MIPOL1: variants seen among roughly 807,000 people sequenced by gnomAD.
MIPOL1 encodes the protein mirror-image polydactyly gene 1 protein.
In MIPOL1, 57 loss-of-function variants were observed where a neutral mutation model predicts 60.9. The ratio of observed to expected loss-of-function variants is 0.94; its 90% CI spans 0.76 to 1.17. MIPOL1 has a LOEUF of 1.17. Among genes scored for constraint, MIPOL1 ranks in the 50% most tolerant of loss-of-function variants. The pLI is 0.00. For synonymous variants in MIPOL1, 179 were observed against 168.8 expected, an observed-to-expected ratio of 1.06 and a Z score of -0.47; for missense variants, 551 against 511.6, an observed-to-expected ratio of 1.08 and a Z score of -0.74.
intron 7 of MIPOL1, among the ~76,000 whole-genome samples, chr14:37,298,713 G>A (rs1294199371): frequency 4.6e-5 from 7 of 152,030 alleles, no homozygotes; most frequent in Non-Finnish European, 1.5e-5. Flanking sequence ...ATCATCACTG[G>A]CCATCAGATA....
intron 6 of MIPOL1, among the ~76,000 whole-genome samples, chr14:37,273,055 A>G (rs1333032189): frequency 6.6e-6 from 1 of 151,252 alleles, no homozygotes; most frequent in Non-Finnish European, 1.5e-5. Flanking sequence ...TAGCAAGAAA[A>G]TTAAAAACAG....
intron 9 of MIPOL1, among the ~76,000 whole-genome samples, chr14:37,361,257 A>G (rs2092217558): frequency 6.6e-6 from 1 of 152,212 alleles, no homozygotes; most frequent in Non-Finnish European, 1.5e-5. Context: ...CAATTTTAGA[A>G]TAAGTGCAAT....
chr14:37,532,340 A>G (rs2095484688), intron 12 of MIPOL1, among the ~76,000 whole-genome samples: 1 of 152,166 alleles, frequency 6.6e-6, no homozygotes, highest in African/African-American at 2.4e-5. Flanking sequence ...TTCCTATGTT[A>G]CTAACTTACT....
At chr14:37,317,805 A>G (rs2088086530) in intron 9 of MIPOL1, among the ~76,000 whole-genome samples, 1 of 152,182 alleles carries the variant, frequency 6.6e-6, no homozygotes, top group Admixed American at 6.5e-5. Context: ...TGTAATTTTT[A>G]TGTGGTTGTA....
chr14:37,376,749 G>A (rs2092787305), intron 10 of MIPOL1, among the ~76,000 whole-genome samples: 4 of 152,108 alleles, frequency 2.6e-5, no homozygotes, highest in Admixed American at 1.3e-4. Flanking sequence ...ACACCCATGT[G>A]CATTTTGTTT....
chr14:37,216,380 A>G (rs1967709666), intron 1 of MIPOL1, among the ~76,000 whole-genome samples: 2 of 152,088 alleles, frequency 1.3e-5, no homozygotes, highest in South Asian at 4.1e-4. Flanking sequence ...TATTTTCCAG[A>G]CAGAAAATCA....
At chr14:37,498,465 T>C (rs1405603896) in intron 11 of MIPOL1, among the ~76,000 whole-genome samples, 1 of 152,072 alleles carries the variant, frequency 6.6e-6, no homozygotes, top group African/African-American at 2.4e-5. Flanking sequence ...TGAAGAAAAT[T>C]GGAACTTGGA....
intron 11 of MIPOL1, among the ~76,000 whole-genome samples, chr14:37,480,841 T>C (rs2094852470): frequency 6.6e-6 from 1 of 152,074 alleles, no homozygotes; most frequent in South Asian, 2.1e-4. Context: ...AAAAACCTCT[T>C]AGAACTAATA....
At chr14:37,333,051 T>G (rs2089853593) in intron 9 of MIPOL1, among the ~76,000 whole-genome samples, 1 of 152,172 alleles carries the variant, frequency 6.6e-6, no homozygotes, top group African/African-American at 2.4e-5. Flanking sequence ...ACAGATAATT[T>G]TATGCAGTTA....
intron 9 of MIPOL1, among the ~76,000 whole-genome samples, chr14:37,350,644 T>G (rs989395868): frequency 1.3e-5 from 2 of 152,168 alleles, no homozygotes; most frequent in Admixed American, 1.3e-4. Context: ...AGTTACCCTA[T>G]TTTACTGTCA....
intron 1 of MIPOL1, among the ~76,000 whole-genome samples, chr14:37,201,965 T>A (rs1003031730): frequency 1.3e-5 from 2 of 152,136 alleles, no homozygotes; most frequent in South Asian, 4.1e-4. Context: ...CCCAAGTAGA[T>A]AGGACTGCAG....
chr14:37,271,274 ATAGACAT>A (rs1177395592), intron 6 of MIPOL1, among the ~76,000 whole-genome samples: 9 of 152,078 alleles, frequency 5.9e-5, no homozygotes, highest in African/African-American at 2.2e-4. Context: ...TCATGGAGTA[ATAGACAT>A]TAGCATTCAG....
At chr14:37,474,652 G>A (rs2094741704) in intron 11 of MIPOL1, among the ~76,000 whole-genome samples, 1 of 152,124 alleles carries the variant, frequency 6.6e-6, no homozygotes, top group African/African-American at 2.4e-5. Flanking sequence ...TATTAGCAGT[G>A]CAAGAACAGA....
intron 11 of MIPOL1, among the ~76,000 whole-genome samples, chr14:37,454,559 C>G (rs2094456536): frequency 2.0e-5 from 3 of 152,102 alleles, no homozygotes; most frequent in Non-Finnish European, 2.9e-5. Context: ...TGAAACAGCC[C>G]AAGTTTTTAC....
chr14:37,536,392 C>A (rs2095506470), intron 12 of MIPOL1, among the ~76,000 whole-genome samples: 1 of 152,110 alleles, frequency 6.6e-6, no homozygotes, highest in Non-Finnish European at 1.5e-5. Flanking sequence ...ATTTTGATAT[C>A]TATCAATTGA....
Position 37,320,252 on chromosome 14 carries a change from G to T in MIPOL1, c.828+11733G>T, listed in dbSNP as rs545926217. Among the ~76,000 whole-genome samples the T allele has an allele frequency of 3.3e-5, 5 of 152,202 alleles. No individual in the cohort carries two copies. The South Asian group carries it at 1.0e-3, about 32-fold the overall frequency. Reference sequence around the variant, plus strand: ...TAATGCCAAATGTTTTTCCAAAGTTGTGCCAGTTTACAGCAGCAATGTAAG... The same window carrying T: ...TAATGCCAAATGTTTTTCCAAAGTTTTGCCAGTTTACAGCAGCAATGTAAG... On this transcript the variant is annotated intron_variant, in intron 9 of 12. Coordinates refer to ENST00000684589, the MANE Select transcript of MIPOL1 (RefSeq NM_001388067.1).
At position 37,360,158 on chromosome 14, in the gene MIPOL1, C is replaced by T. The variant is rs188398897; in HGVS notation, c.829-9359C>T. On this transcript the variant is annotated intron_variant, in intron 9 of 12. Coordinates refer to ENST00000684589, the MANE Select transcript of MIPOL1 (RefSeq NM_001388067.1). ...CATATGTTGAACCAGCCTTGCATCC[C>T]GGGGATGAAGCCGACTTGATCTTGG... Among the ~76,000 whole-genome samples, 66 of 152,034 alleles carry T rather than the reference C, an allele frequency of 4.3e-4. No individual in the cohort carries two copies. In the East Asian group the frequency reaches 6.9e-3, roughly 16 times the overall value.
At chr14:37,381,603 G>A (rs1043833854) in intron 10 of MIPOL1, among the ~76,000 whole-genome samples, 1 of 150,248 alleles carries the variant, frequency 6.7e-6, no homozygotes, top group African/African-American at 2.5e-5. Flanking sequence ...TTTTTTTCAA[G>A]ACAGGGTCTC....
At chr14:37,510,393 T>G (rs1441092356) in intron 12 of MIPOL1, among the ~76,000 whole-genome samples, 5 of 151,672 alleles carry the variant, frequency 3.3e-5, no homozygotes, top group Non-Finnish European at 7.4e-5. Context: ...ATTTTTGGTG[T>G]TTTTTTTGTT....
Sources: gnomAD v4.1 joint callset for allele counts (sites outside exome capture counted in the v4.1 genomes callset) on GRCh38, gnomAD v4.1.1 for gene constraint, MANE v1.5 for transcripts, NCBI Gene and HGNC (gene_info 2026-07-23, HGNC 2026-07-21) for gene names.